The following NTN4 variants were observed in gnomAD, a reference collection of about 807,000 sequenced individuals.
NTN4 encodes the protein netrin 4.
NTN4 carries 32 observed loss-of-function variants against 73.6 expected under a neutral mutation model. The ratio of observed to expected loss-of-function variants is 0.44; its 90% CI spans 0.33 to 0.58. NTN4 has a LOEUF of 0.58. Among genes scored for constraint, NTN4 ranks in the 20% least tolerant of loss-of-function variants. The probability of loss-of-function intolerance (pLI) is 0.04; values close to 1 mark genes in which losing one functional copy is unlikely to be tolerated. For synonymous variants in NTN4, 258 were observed against 287.5 expected, an observed-to-expected ratio of 0.90 and a Z score of 1.04; for missense variants, 654 against 798.3, an observed-to-expected ratio of 0.82 and a Z score of 2.18.
At chr12:95,741,600 C>T (rs944746078) in intron 2 of NTN4, among the ~76,000 whole-genome samples, 1 of 142,000 alleles carries the variant, frequency 7.0e-6, no homozygotes, top group Non-Finnish European at 1.5e-5. Context: ...GTAATATAGC[C>T]ACTCAAGCTT....
Position 95,700,819 on chromosome 12 carries a change from T to C in NTN4, c.1180+9622A>G, listed in dbSNP as rs1320346547. ...TCTTTTTTCTTTCTTTCTTTCTTTT[T>C]TTTTTTTTTTTTGAGACAGAGTCTC... On this transcript the variant is annotated intron_variant, in intron 5 of 9. Coordinates refer to ENST00000343702, the MANE Select transcript of NTN4 (RefSeq NM_021229.4). 1.3e-4 allele frequency among the ~76,000 whole-genome samples: 19 copies of C among 146,486 alleles called. 1 individual carries two copies. The South Asian group carries it at 1.3e-3, about 10-fold the overall frequency.
chr12:95,719,870 T>C (rs1360764767), intron 3 of NTN4, among the ~76,000 whole-genome samples: 1 of 152,190 alleles, frequency 6.6e-6, no homozygotes, highest in Non-Finnish European at 1.5e-5. Flanking sequence ...TTTCAAACTC[T>C]TGCCCAATAA....
chr12:95,735,239 C>CTTCTTTT (rs1592693697), intron 3 of NTN4, among the ~76,000 whole-genome samples: 1 of 110,534 alleles, frequency 9.0e-6, no homozygotes, highest in Non-Finnish European at 2.4e-5. Flanking sequence ...GTTCTTTTTT[C>CTTCTTTT]TTCTTTTTTC....
At chr12:95,729,626 A>T (rs1486068025) in intron 3 of NTN4, among the ~76,000 whole-genome samples, 1 of 122,596 alleles carries the variant, frequency 8.2e-6, no homozygotes, top group African/African-American at 3.6e-5. Flanking sequence ...AGAGAGAGAG[A>T]GAGAGAGTGT....
chr12:95,722,882 G>A (rs1294120532), intron 3 of NTN4, among the ~76,000 whole-genome samples: 7 of 140,510 alleles, frequency 5.0e-5, no homozygotes, highest in African/African-American at 1.8e-4. Flanking sequence ...GCTGAGGCAG[G>A]AGAATCACTT....
chr12:95,771,548 C>A (rs2079059384), intron 2 of NTN4, among the ~76,000 whole-genome samples: 1 of 152,066 alleles, frequency 6.6e-6, no homozygotes, highest in African/African-American at 2.4e-5. Context: ...TTTTGTAAAT[C>A]AAATTTCATA....
intron 8 of NTN4, among the ~76,000 whole-genome samples, chr12:95,667,533 A>G (rs2078191063): frequency 1.3e-5 from 2 of 152,016 alleles, no homozygotes; most frequent in African/African-American, 4.8e-5. Context: ...TTAAAAGCTC[A>G]TGTATTTTAT....
intron 5 of NTN4, among the ~76,000 whole-genome samples, chr12:95,695,910 T>C (rs1255163788): frequency 2.0e-5 from 3 of 148,586 alleles, no homozygotes; most frequent in Non-Finnish European, 3.0e-5. Flanking sequence ...TTCTCTCCCT[T>C]CCTCCCTCCC....
chr12:95,767,209 C>T (rs2079026504), intron 2 of NTN4, among the ~76,000 whole-genome samples: 10 of 152,082 alleles, frequency 6.6e-5, no homozygotes, highest in Admixed American at 6.5e-4. Context: ...GATTGGCTTT[C>T]CTTACACAGG....
chr12:95,771,146 C>T (rs2079056434), intron 2 of NTN4, among the ~76,000 whole-genome samples: 1 of 151,946 alleles, frequency 6.6e-6, no homozygotes, highest in Admixed American at 6.6e-5. Context: ...CCTGCTACCA[C>T]GCCCGGCTAA....
At chr12:95,670,001 G>C in intron 8 of NTN4, 77 bp downstream of exon 8, 1 of 750,748 alleles carries the variant, frequency 1.3e-6, no homozygotes, top group Admixed American at 2.4e-5. Flanking sequence ...TCATCAGTCA[G>C]GCCTCCCATT....
intron 3 of NTN4, among the ~76,000 whole-genome samples, chr12:95,720,301 T>C (rs2078637610): frequency 6.6e-6 from 1 of 152,212 alleles, no homozygotes; most frequent in Non-Finnish European, 1.5e-5. Flanking sequence ...AAAAACAAAC[T>C]GTGCCTACTT....
At chr12:95,756,721 T>C (rs1050658577) in intron 2 of NTN4, among the ~76,000 whole-genome samples, 4 of 151,964 alleles carry the variant, frequency 2.6e-5, no homozygotes, top group Non-Finnish European at 5.9e-5. Flanking sequence ...TCCCTGCCCA[T>C]CCTTCCCCAC....
intron 2 of NTN4, among the ~76,000 whole-genome samples, chr12:95,765,391 A>G (rs972556234): frequency 7.2e-5 from 10 of 138,262 alleles, no homozygotes; most frequent in Non-Finnish European, 1.3e-4. Flanking sequence ...TCTTGTGTTC[A>G]CGTTATCTAC....
rs754418975 is a variant in NTN4, at chr12:95,710,492, C to T, written c.1129G>A (p.Gly377Ser). 3.1e-6 allele frequency: 5 copies of T among 1,614,050 alleles called. No individual in the cohort carries two copies. The Admixed American group carries it at 8.3e-5, about 27-fold the overall frequency. The change falls in exon 5 of 10, where the codon GGC (glycine) becomes AGC (serine). Residue 377 changes from glycine to serine, a missense_variant. By Grantham distance (56) the Gly-to-Ser change is moderately conservative. Coordinates refer to ENST00000343702, the MANE Select transcript of NTN4 (RefSeq NM_021229.4). The stretch of plus-strand genomic sequence containing the variant: ...GGTCTCCGCAGGTCACGATAGAAGC[C>T]TGGCTTGCACCTCTGGCAATACTGT... ...EGQYCQRCKP[G>S]FYRDLRRPFS...
intron 6 of NTN4, 133 bp downstream of exon 6, chr12:95,683,365 C>G (rs1272382176): frequency 2.3e-6 from 2 of 871,254 alleles, no homozygotes; most frequent in Non-Finnish European, 3.5e-6. Flanking sequence ...CCCAGCCTGA[C>G]AAAAATTCTT....
At chr12:95,686,316 T>TAC (rs2121003408) in intron 5 of NTN4, among the ~76,000 whole-genome samples, 1 of 152,228 alleles carries the variant, frequency 6.6e-6, no homozygotes, top group East Asian at 1.9e-4. Flanking sequence ...TGATGTGCTG[T>TAC]AACAGAGGTA....
At chr12:95,670,374 A>G in intron 7 of NTN4, 1 of 364,290 alleles carries the variant, frequency 2.7e-6, no homozygotes, top group South Asian at 9.2e-5. Flanking sequence ...TACAGAAGGT[A>G]GAAACAGTGA....
At chr12:95,682,683 G>T in intron 7 of NTN4, 24 bp downstream of exon 7, 1 of 1,500,172 alleles carries the variant, frequency 6.7e-7, no homozygotes, top group Non-Finnish European at 9.3e-7. Context: ...CTGAAAATAT[G>T]ATGCCTGGTT....
Sources: gnomAD v4.1 joint callset for allele counts (sites outside exome capture counted in the v4.1 genomes callset) on GRCh38, gnomAD v4.1.1 for gene constraint, MANE v1.5 for transcripts, NCBI Gene and HGNC (gene_info 2026-07-23, HGNC 2026-07-21) for gene names.